Variants in CEP57 observed in about 807,000 individuals in gnomAD.
The protein encoded by CEP57 is centrosomal protein of 57 kDa.
In CEP57, 40 loss-of-function variants were observed where a neutral mutation model predicts 68.0. The observed-to-expected ratio is 0.59, with a 90% CI of 0.46 to 0.77. The LOEUF (loss-of-function observed/expected upper bound fraction) is 0.77. Ranked by LOEUF, CEP57 falls within the 30% of genes least tolerant of loss-of-function variation. The probability of loss-of-function intolerance (pLI) is 0.00; values close to 1 mark genes in which losing one functional copy is unlikely to be tolerated. For missense variants in CEP57, 606 were observed against 580.7 expected (o/e 1.04, Z -0.45); for synonymous variants, 219 against 198.7 (o/e 1.10, Z -0.86).
At chr11:95,792,937 T>G (rs904967451) in intron 1 of CEP57, among the ~76,000 whole-genome samples, 3 of 150,124 alleles carry the variant, frequency 2.0e-5, no homozygotes, top group African/African-American at 4.9e-5. Context: ...AAAAAAAAAC[T>G]TGTTAAAACT....
chr11:95,804,525 T>C (rs1373989191), intron 2 of CEP57, among the ~76,000 whole-genome samples: 2 of 152,100 alleles, frequency 1.3e-5, no homozygotes, highest in East Asian at 3.9e-4. Context: ...CTGGAATACT[T>C]TGAAAAGGTG....
At chr11:95,795,463 TG>T in intron 1 of CEP57, 1 of 434,552 alleles carries the variant, frequency 2.3e-6, no homozygotes, top group Non-Finnish European at 4.1e-6. Context: ...GATACGAAAT[TG>T]GGATTCTTCC....
rs765633450 is a variant in CEP57, at chr11:95,822,594, C to T, written c.885+18C>T. 2.6e-5 allele frequency: 42 copies of T among 1,596,856 alleles called. No individual in the cohort carries two copies. The highest frequency in any genetic ancestry group is 2.3e-4 in the Admixed American group (14 of 59,952). On this transcript the variant is annotated intron_variant, in intron 8 of 10. Transcript: ENST00000325542. The stretch of plus-strand genomic sequence containing the variant: ...CTGGGAAGGTGAGTTGGTCAAACTC[C>T]GGATTCTTTTTATACAACATTGATC...
At chr11:95,817,754 A>T in intron 4 of CEP57, 33 bp from the exon 5 acceptor site, 3 of 1,424,668 alleles carry the variant, frequency 2.1e-6, no homozygotes, top group Non-Finnish European at 3.0e-6. Context: ...TTGATTGTCA[A>T]ATTATCAAGC....
rs2135384736 is a variant in CEP57 at position 95,831,225 on chromosome 11, T to C, written c.1472T>C (p.Leu491Ser). Residue 491 changes from leucine to serine, a missense_variant, in exon 11 of 11, where the codon TTA (leucine) becomes TCA (serine). Physicochemically the swap from Leu to Ser is moderately radical, Grantham distance 145. Coordinates refer to ENST00000325542, the MANE Select transcript of CEP57 (RefSeq NM_014679.5). ...LKDMQSIQNS[L>S]QSSSLCWDY Reference sequence around the variant, plus strand: ...GACATGCAAAGCATACAGAATTCATTACAAAGCAGTAGTTTGTGTTGGGAT... The same window carrying C: ...GACATGCAAAGCATACAGAATTCATCACAAAGCAGTAGTTTGTGTTGGGAT... 1 of 1,613,370 alleles carries C rather than the reference T, an allele frequency of 6.2e-7. No individual in the cohort carries two copies.
chr11:95,804,376 C>T (rs545158592), intron 2 of CEP57, among the ~76,000 whole-genome samples: 20 of 152,236 alleles, frequency 1.3e-4, no homozygotes, highest in African/African-American at 4.8e-4. Context: ...GAACTAAAGC[C>T]TAAAACCTTA....
chr11:95,820,578 G>GAAA (rs1565328421), intron 6 of CEP57, among the ~76,000 whole-genome samples: 2 of 52,686 alleles, frequency 3.8e-5, no homozygotes. Flanking sequence ...GGCAACAAGA[G>GAAA]CAAAAAAAAA....
chr11:95,802,976 T>G (rs900547601), intron 2 of CEP57, among the ~76,000 whole-genome samples: 5 of 152,236 alleles, frequency 3.3e-5, no homozygotes, highest in Admixed American at 3.3e-4. Flanking sequence ...TGATAGCTCC[T>G]TGAGGCCAAA....
At chr11:95,812,361 T>A (rs1862103608) in intron 2 of CEP57, among the ~76,000 whole-genome samples, 1 of 152,088 alleles carries the variant, frequency 6.6e-6, no homozygotes, top group African/African-American at 2.4e-5. Context: ...TCTTTGAAAT[T>A]TTTTTACCAT....
chr11:95,815,650 A>T (rs933286267), intron 4 of CEP57, among the ~76,000 whole-genome samples: 1 of 152,062 alleles, frequency 6.6e-6, no homozygotes, highest in Admixed American at 6.6e-5. Context: ...GTTAGGCTTG[A>T]TGGTTTTCAC....
chr11:95,831,203 A>T lies in CEP57; in HGVS notation c.1450A>T (p.Met484Leu). 6.2e-7 allele frequency: 1 copy of T among 1,613,650 alleles called. No individual in the cohort carries two copies. The highest frequency in any genetic ancestry group is 1.3e-5 in the African/African-American group (1 of 75,044). Reference protein sequence around the residue: ...RRKNLQLLKDMQSIQNSLQSS... With the variant: ...RRKNLQLLKDLQSIQNSLQSS... The stretch of plus-strand genomic sequence containing the variant: ...AAAAAATCTTCAGTTATTGAAGGAC[A>T]TGCAAAGCATACAGAATTCATTACA... Residue 484 changes from methionine to leucine, a missense_variant, in exon 11 of 11, where the codon ATG becomes TTG. Physicochemically the swap from Met to Leu is conservative, Grantham distance 15 (BLOSUM62 2). Transcript: ENST00000325542.
Position 95,790,762 on chromosome 11 carries a change from G to A in CEP57, c.45+19G>A, listed in dbSNP as rs762189464. ...CTTGTCGGTAAGAAGCAGTTGGCGC[G>A]AGTGGGCCCCACGTCGGCCCTAAGC... On this transcript the variant is annotated intron_variant, in intron 1 of 10. Coordinates refer to ENST00000325542, the MANE Select transcript of CEP57 (RefSeq NM_014679.5). The A allele has an allele frequency of 1.9e-6, 3 of 1,613,628 alleles. No individual in the cohort carries two copies. The highest frequency in any genetic ancestry group is 2.2e-5 in the East Asian group (1 of 44,886).
intron 2 of CEP57, among the ~76,000 whole-genome samples, chr11:95,802,613 A>T (rs578121723): frequency 6.6e-6 from 1 of 152,162 alleles, no homozygotes; most frequent in Non-Finnish European, 1.5e-5. Flanking sequence ...TCTTACTGGG[A>T]ATTTATGACA....
Position 95,832,539 on chromosome 11 carries a change from T to G in CEP57, c.*1283T>G, listed in dbSNP as rs1863051541. On this transcript the variant is annotated 3_prime_UTR_variant, in exon 11 of 11. Coordinates refer to ENST00000325542, the MANE Select transcript of CEP57 (RefSeq NM_014679.5). Reference sequence around the variant, plus strand: ...TGAGTAGGTTCGTAGCTTGATTGAATTAATAATTGTGAGCCCATAGACACA... The same window carrying G: ...TGAGTAGGTTCGTAGCTTGATTGAAGTAATAATTGTGAGCCCATAGACACA... The G allele has an allele frequency of 6.6e-6, 1 of 152,146 alleles. No homozygotes were observed. Among genetic ancestry groups the G allele is most frequent in the Admixed American group, 6.6e-5 (1 of 15,260 alleles). 9.4% of individuals were successfully genotyped at this position (152,146 alleles called of 1,614,324 possible).
chr11:95,821,147 A>C (rs3016295), intron 6 of CEP57, among the ~76,000 whole-genome samples: 3 of 152,068 alleles, frequency 2.0e-5, no homozygotes, highest in Non-Finnish European at 4.4e-5. Context: ...AACTGCAGAC[A>C]GTTTTGGTAC....
intron 8 of CEP57, among the ~76,000 whole-genome samples, chr11:95,824,899 T>C (rs2135363280): frequency 6.6e-6 from 1 of 152,304 alleles, no homozygotes; most frequent in African/African-American, 2.4e-5. Flanking sequence ...GAGAACCCTT[T>C]TTCTAAACTG....
At chr11:95,791,083 G>C (rs1304795582) in intron 1 of CEP57, among the ~76,000 whole-genome samples, 1 of 152,198 alleles carries the variant, frequency 6.6e-6, no homozygotes, top group Non-Finnish European at 1.5e-5. Flanking sequence ...GGTCACGTGG[G>C]TTCAGCGGCC....
intron 8 of CEP57, among the ~76,000 whole-genome samples, chr11:95,823,820 A>G (rs536506355): frequency 6.6e-6 from 1 of 152,310 alleles, no homozygotes; most frequent in South Asian, 2.1e-4. Flanking sequence ...TCAATTGTGT[A>G]TCACAGTAAA....
chr11:95,802,192 A>C (rs923412858), intron 2 of CEP57, among the ~76,000 whole-genome samples: 6 of 152,170 alleles, frequency 3.9e-5, no homozygotes, highest in African/African-American at 1.2e-4. Flanking sequence ...GAATGAGCAC[A>C]GTTCTATAAG....
Sources: allele counts gnomAD v4.1 joint callset (sites outside exome capture counted in the v4.1 genomes callset), GRCh38; gene constraint gnomAD v4.1.1; transcripts MANE v1.5; gene names NCBI Gene and HGNC (gene_info 2026-07-23, HGNC 2026-07-21).